The following KIAA0825 variants were observed in gnomAD, a reference collection of about 807,000 sequenced individuals.
The protein encoded by KIAA0825 is KIAA0825.
A neutral mutation model predicts 147.6 loss-of-function variants in KIAA0825; 119 were observed. That is an observed-to-expected ratio of 0.81 (90% CI 0.69 to 0.94). KIAA0825 has a LOEUF of 0.94. KIAA0825 is among the 40% of genes least tolerant of loss of function. The pLI is 0.00. For synonymous variants in KIAA0825, 470 were observed against 518.1 expected (o/e 0.91, Z 1.26); for missense variants, 1,381 against 1,472.7 (o/e 0.94, Z 1.02).
chr5:94,153,146 T>G lies in KIAA0825; in HGVS notation c.*861A>C, dbSNP rs1766725758. On this transcript the variant is annotated 3_prime_UTR_variant, in exon 21 of 21. Coordinates refer to ENST00000682413, the MANE Select transcript of KIAA0825 (RefSeq NM_001145678.3). ...AATAATAAATATCTATAATTGTCCT[T>G]GGCAGAGAGGGTACTAGAGCATGTT... 6.6e-6 allele frequency: 1 copy of G among 151,548 alleles called. No homozygotes were observed. Among genetic ancestry groups the G allele is most frequent in the Admixed American group, 6.6e-5 (1 of 15,196 alleles). 9.4% of individuals were successfully genotyped at this position (151,548 alleles called of 1,614,324 possible). A position where few individuals can be genotyped will look rare whatever the true frequency, so the allele number is the denominator to read the frequency against.
chr5:94,489,207 A>G (rs1299376097), intron 5 of KIAA0825, among the ~76,000 whole-genome samples: 1 of 152,132 alleles, frequency 6.6e-6, no homozygotes, highest in Non-Finnish European at 1.5e-5. Context: ...AGACCTTCTC[A>G]TTGAATTCAG....
In KIAA0825 at chr5:94,272,126, AAAAAAAC is replaced by A. The variant is rs1366670636; in HGVS notation, c.3710+112235_3710+112241del. On this transcript the variant is annotated intron_variant, in intron 20 of 20. Transcript: ENST00000682413. Reference sequence around the variant, plus strand: ...AGGAGCAAAAAAAAAAAAAAAAAAAAAAAAAACTAAGACAATTGAACTCATGGAGATA... The same window carrying A: ...AGGAGCAAAAAAAAAAAAAAAAAAAATAAGACAATTGAACTCATGGAGATA... 2.5e-3 allele frequency among the ~76,000 whole-genome samples: 377 copies of A among 151,216 alleles called. 1 individual carries two copies. The highest frequency in any genetic ancestry group is 8.9e-3 in the African/African-American group (366 of 41,230).
At chr5:94,285,568 A>G (rs1207720217) in intron 20 of KIAA0825, among the ~76,000 whole-genome samples, 2 of 152,184 alleles carry the variant, frequency 1.3e-5, no homozygotes, top group African/African-American at 4.8e-5. Context: ...GAGACAAGCA[A>G]TTGGACTTTC....
At chr5:94,218,412 T>G (rs980507250) in intron 20 of KIAA0825, among the ~76,000 whole-genome samples, 6 of 152,210 alleles carry the variant, frequency 3.9e-5, no homozygotes, top group Non-Finnish European at 7.3e-5. Flanking sequence ...GGGATGCCTC[T>G]CCATCCAAAA....
chr5:94,397,531 G>A lies in KIAA0825; in HGVS notation c.2888-1022C>T, dbSNP rs75529613. On this transcript the variant is annotated intron_variant, in intron 16 of 20. Coordinates refer to ENST00000682413, the MANE Select transcript of KIAA0825 (RefSeq NM_001145678.3). ...GATTCTCAAGTTGTCATGGATTGCA[G>A]AGGAGTCACTAGATTAGACATATTT... Among the ~76,000 whole-genome samples the A allele has an allele frequency of 7.2e-3, 1,097 of 152,344 alleles. 14 individuals are homozygous for A. The highest frequency in any genetic ancestry group is 0.024 in the African/African-American group (982 of 41,574).
chr5:94,550,357 A>T (rs766907155), intron 2 of KIAA0825, among the ~76,000 whole-genome samples: 1 of 152,150 alleles, frequency 6.6e-6, no homozygotes, highest in Admixed American at 6.5e-5. Flanking sequence ...CTGAACATAG[A>T]TTACACTACT....
chr5:94,366,821 G>A (rs555854689), intron 20 of KIAA0825, among the ~76,000 whole-genome samples: 19 of 152,220 alleles, frequency 1.2e-4, no homozygotes, highest in African/African-American at 4.1e-4. Flanking sequence ...GTTTTTCCAC[G>A]ACAGTACCCC....
At chr5:94,437,958 G>C (rs1477828814) in intron 14 of KIAA0825, among the ~76,000 whole-genome samples, 1 of 152,156 alleles carries the variant, frequency 6.6e-6, no homozygotes, top group Non-Finnish European at 1.5e-5. Flanking sequence ...AAAAAGCACT[G>C]TGCCAGCTTA....
chr5:94,191,772 C>A lies in KIAA0825; in HGVS notation c.3711-37648G>T, dbSNP rs1176616612. 5.9e-5 allele frequency among the ~76,000 whole-genome samples: 9 copies of A among 152,350 alleles called. No homozygotes were observed. In the East Asian group the frequency reaches 1.7e-3, roughly 29 times the overall value. ...CCAGATGCCAGCGGAGTGCTGCAGC[C>A]TGTCTTTGACACCAGCAAACCTATT... On this transcript the variant is annotated intron_variant, in intron 20 of 20. Transcript: ENST00000682413.
chr5:94,473,353 T>G lies in KIAA0825; in HGVS notation c.1394A>C (p.Gln465Pro). ...CATATGGCTGTCTTGCCAAACTTGC[T>G]GGACATTTACAAGGTTCATAGCATA... ...VSYAMNLVNV[Q>P]QVWQDSHMFP... The change falls in exon 8 of 21, where the codon CAG (glutamine) becomes CCG (proline). Residue 465 changes from glutamine (Q) to proline (P), a missense_variant. Coordinates refer to ENST00000682413, the MANE Select transcript of KIAA0825 (RefSeq NM_001145678.3). The G allele has an allele frequency of 1.9e-6, 3 of 1,551,908 alleles. No homozygotes were observed. Among genetic ancestry groups the G allele is most frequent in the Non-Finnish European group, 2.6e-6 (3 of 1,147,042 alleles).
intron 9 of KIAA0825, among the ~76,000 whole-genome samples, chr5:94,471,161 G>A (rs1171592167): frequency 2.0e-5 from 3 of 152,068 alleles, no homozygotes; most frequent in Non-Finnish European, 4.4e-5. Flanking sequence ...AAAACGAAAG[G>A]GTGTGTTTAT....
At chr5:94,165,794 A>T (rs1034077638) in intron 20 of KIAA0825, among the ~76,000 whole-genome samples, 1 of 152,214 alleles carries the variant, frequency 6.6e-6, no homozygotes, top group African/African-American at 2.4e-5. Context: ...TGTGGTATCT[A>T]AAAATCAAAA....
intron 5 of KIAA0825, among the ~76,000 whole-genome samples, chr5:94,493,447 G>A (rs772801362): frequency 2.0e-5 from 3 of 152,172 alleles, no homozygotes. Flanking sequence ...ACCAAAATAT[G>A]TATTAGAGAG....
At chr5:94,385,524 T>C (rs1749015798) in intron 19 of KIAA0825, among the ~76,000 whole-genome samples, 1 of 152,232 alleles carries the variant, frequency 6.6e-6, no homozygotes, top group Non-Finnish European at 1.5e-5. Flanking sequence ...GCCCTGTTAG[T>C]TCAAATTGTC....
chr5:94,191,527 G>A (rs1181941797), intron 20 of KIAA0825, among the ~76,000 whole-genome samples: 1 of 151,926 alleles, frequency 6.6e-6, no homozygotes, highest in Non-Finnish European at 1.5e-5. Context: ...AAGACTTTTA[G>A]GATTCATTAA....
intron 5 of KIAA0825, among the ~76,000 whole-genome samples, chr5:94,489,887 C>CAAAAAAAAAA: frequency 1.7e-5 from 1 of 58,146 alleles, no homozygotes; most frequent in Middle Eastern, 0.01. Flanking sequence ...GACTCTGTCT[C>CAAAAAAAAAA]AAAAAAAAAA....
At chr5:94,306,459 A>G (rs1169068164) in intron 20 of KIAA0825, among the ~76,000 whole-genome samples, 4 of 151,850 alleles carry the variant, frequency 2.6e-5, no homozygotes, top group Non-Finnish European at 5.9e-5. Flanking sequence ...AAAGTTGTGT[A>G]AGTTCCATTC....
At chr5:94,554,715 ACTATAT>A (rs1216777421) in intron 2 of KIAA0825, among the ~76,000 whole-genome samples, 75 of 75,356 alleles carry the variant, frequency 1.0e-3, no homozygotes, top group Admixed American at 4.2e-3. Context: ...TGTTCTGTGT[ACTATAT>A]ATATATATAT....
In KIAA0825 at chr5:94,324,407, A is replaced by G. The variant is rs59323020; in HGVS notation, c.3710+59961T>C. Among the ~76,000 whole-genome samples, 1,061 of 152,154 alleles carry G rather than the reference A, an allele frequency of 7.0e-3. 12 individuals are homozygous for G. Among genetic ancestry groups the G allele is most frequent in the African/African-American group, 0.024 (1,011 of 41,566 alleles). ...TATAGTTCCAATAACCAAATATGCT[A>G]TGATTCCGTATGCCCTTCTGTGAGA... On this transcript the variant is annotated intron_variant, in intron 20 of 20. Transcript: ENST00000682413.
Sources: gnomAD v4.1 joint callset for allele counts (sites outside exome capture counted in the v4.1 genomes callset) on GRCh38, gnomAD v4.1.1 for gene constraint, MANE v1.5 for transcripts, NCBI Gene and HGNC (gene_info 2026-07-23, HGNC 2026-07-21) for gene names.